Variants in IRF6 observed in about 807,000 individuals in gnomAD.
The protein encoded by IRF6 is Van der Woude syndrome.
A neutral mutation model predicts 51.4 loss-of-function variants in IRF6; 6 were observed. That is an observed-to-expected ratio of 0.12 (90% CI 0.06 to 0.23). The LOEUF (loss-of-function observed/expected upper bound fraction) is 0.23, where lower values mean the gene tolerates loss of function less well. IRF6 is among the 10% of genes least tolerant of loss of function. The probability of loss-of-function intolerance (pLI) is 1.00; values close to 1 mark genes in which losing one functional copy is unlikely to be tolerated. For missense variants in IRF6, 348 were observed against 585.2 expected (o/e 0.59, Z 4.18); for synonymous variants, 178 against 215.7 (o/e 0.83, Z 1.53).
chr1:209,797,749 T>G (rs2077912034), intron 3 of IRF6, among the ~76,000 whole-genome samples: 2 of 152,132 alleles, frequency 1.3e-5, no homozygotes, highest in Non-Finnish European at 2.9e-5. Context: ...TGGCCCTACT[T>G]TCAGCTCTAA....
Position 209,795,365 on chromosome 1 carries a change from C to G in IRF6, c.433G>C (p.Asp145His). 1 of 1,614,226 alleles carries G rather than the reference C, an allele frequency of 6.2e-7. No homozygotes were observed. Among genetic ancestry groups the G allele is most frequent in the South Asian group, 1.1e-5 (1 of 91,090 alleles). Reference sequence around the variant, plus strand: ...GACTGATCCAGCTCATCTTCCTCATCTTCTTCATCCACATCATTATCCTTC... The same window carrying G: ...GACTGATCCAGCTCATCTTCCTCATGTTCTTCATCCACATCATTATCCTTC... ...DEKDNDVDEE[D>H]EEDELDQSQH... Residue 145 changes from aspartate to histidine, a missense_variant, in exon 5 of 9, where the codon GAT becomes CAT. Asp to His is a moderately conservative substitution (Grantham distance 81). Transcript: ENST00000367021.
chr1:209,799,750 G>A (rs2077927830), intron 3 of IRF6, among the ~76,000 whole-genome samples: 1 of 152,216 alleles, frequency 6.6e-6, no homozygotes, highest in Non-Finnish European at 1.5e-5. Flanking sequence ...GGCCAAATGG[G>A]CCAAGATGGG....
At chr1:209,797,495 C>T (rs977392123) in intron 3 of IRF6, among the ~76,000 whole-genome samples, 4 of 152,000 alleles carry the variant, frequency 2.6e-5, no homozygotes, top group Non-Finnish European at 5.9e-5. Context: ...AAATCCACAC[C>T]CCTTACCTTA....
At position 209,796,676 on chromosome 1, in the gene IRF6, C is replaced by CAA. The variant is rs1491021033; in HGVS notation, c.175-126_175-125dup. On this transcript the variant is annotated intron_variant, in intron 3 of 8. Coordinates refer to ENST00000367021, the MANE Select transcript of IRF6 (RefSeq NM_006147.4). The surrounding 1 kb of genome is among the most constrained non-coding windows in gnomAD (Gnocchi z 4.5). ...ACACACACACACACACACACACACA[C>CAA]AACTTTTGCATGACTGCCCCATCAT... 2.6e-6 allele frequency: 2 copies of CAA among 759,914 alleles called. No individual in the cohort carries two copies. Among genetic ancestry groups the CAA allele is most frequent in the East Asian group, 2.9e-5 (1 of 35,060 alleles). The allele number at this position is 759,914 out of a possible 1,614,324, so 47.1% of individuals were successfully genotyped here. A position where few individuals can be genotyped will look rare whatever the true frequency, so the allele number is the denominator to read the frequency against.
chr1:209,792,213 G>T, intron 6 of IRF6, 56 bp downstream of exon 6: 2 of 1,551,434 alleles, frequency 1.3e-6, no homozygotes, highest in Non-Finnish European at 1.8e-6. Flanking sequence ...AGCAGGACAG[G>T]AAAGAGTCTA....
chr1:209,804,749 T>A (rs535994420), intron 1 of IRF6, among the ~76,000 whole-genome samples: 1 of 152,240 alleles, frequency 6.6e-6, no homozygotes, highest in African/African-American at 2.4e-5. Context: ...AGGGAGCAGG[T>A]CCTCCATAAA....
rs372410060 is a variant in IRF6, at chr1:209,793,809, G to A, written c.509-1382C>T. On this transcript the variant is annotated intron_variant, in intron 5 of 8. Transcript: ENST00000367021. ...ATGTTTAGCTCCCACTTATGAGTGGGAACACGTAGTATTTGGTTTTCTGTT... is the reference window on the plus strand; with the variant it reads ...ATGTTTAGCTCCCACTTATGAGTGGAAACACGTAGTATTTGGTTTTCTGTT... 3.3e-5 allele frequency among the ~76,000 whole-genome samples: 5 copies of A among 152,270 alleles called. No individual in the cohort carries two copies. In the East Asian group the frequency reaches 9.7e-4, roughly 29 times the overall value.
Position 209,788,496 on chromosome 1 carries a change from A to C in IRF6, c.1328T>G (p.Leu443Arg). 5 of 1,614,174 alleles carry C rather than the reference A, an allele frequency of 3.1e-6. No individual in the cohort carries two copies. Among genetic ancestry groups the C allele is most frequent in the Non-Finnish European group, 4.2e-6 (5 of 1,180,044 alleles). The change falls in exon 9 of 9, where the codon CTT (leucine) becomes CGT (arginine). Residue 443 changes from leucine to arginine, a missense_variant. By Grantham distance (102) the Leu-to-Arg change is moderately radical. Transcript: ENST00000367021. The part of the protein sequence containing the change: ...VAQLKQLYRI[L>R]QTQESWQPMQ... ...GGGCTGCCAGCTCTCCTGGGTTTGAAGGATGCGGTACAGCTGCTTCAGCTG... is the reference window on the plus strand; with the variant it reads ...GGGCTGCCAGCTCTCCTGGGTTTGACGGATGCGGTACAGCTGCTTCAGCTG...
At chr1:209,800,205 T>C (rs2077932112) in intron 3 of IRF6, among the ~76,000 whole-genome samples, 1 of 152,178 alleles carries the variant, frequency 6.6e-6, no homozygotes, top group Admixed American at 6.5e-5. Context: ...AGCAGAGACG[T>C]AGCCTCCAGG....
chr1:209,795,258 A>G lies in IRF6; in HGVS notation c.508+32T>C. Reference sequence around the variant, plus strand: ...GGTCAAAACTCCTTACATCCTCCATATGTCTCTGTACCACCCATCATCCCC... The same window carrying G: ...GGTCAAAACTCCTTACATCCTCCATGTGTCTCTGTACCACCCATCATCCCC... On this transcript the variant is annotated intron_variant, in intron 5 of 8. Coordinates refer to ENST00000367021, the MANE Select transcript of IRF6 (RefSeq NM_006147.4). 4 of 1,612,910 alleles carry G rather than the reference A, an allele frequency of 2.5e-6. 1 individual carries two copies. In the South Asian group the frequency reaches 4.4e-5, roughly 18 times the overall value.
At chr1:209,789,861 G>T in intron 7 of IRF6, 76 bp from the exon 8 acceptor site, 1 of 982,096 alleles carries the variant, frequency 1.0e-6, no homozygotes, top group Non-Finnish European at 1.6e-6. Flanking sequence ...CTTTTATGCT[G>T]TCCATTACAA....
chr1:209,798,169 GAAT>G (rs368309817), intron 3 of IRF6, among the ~76,000 whole-genome samples: 55,346 of 151,874 alleles, frequency 0.36, 10,440 homozygotes, highest in East Asian at 0.57. Context: ...TTGTGGTATG[GAAT>G]GAAGAAGTTT....
intron 6 of IRF6, chr1:209,791,154 G>A (rs1482409532): frequency 6.2e-6 from 4 of 650,064 alleles, no homozygotes; most frequent in Non-Finnish European, 7.6e-6. Flanking sequence ...ATTGCATCAA[G>A]TAAAGTGGTC....
intron 1 of IRF6, 112 bp from the exon 2 acceptor site, chr1:209,802,155 A>G (rs1017868257): frequency 2.6e-5 from 4 of 152,236 alleles, no homozygotes. Flanking sequence ...TCCACTACTG[A>G]GTCTGGTAAA....
chr1:209,798,423 T>G (rs980939724), intron 3 of IRF6, among the ~76,000 whole-genome samples: 4 of 152,206 alleles, frequency 2.6e-5, no homozygotes, highest in African/African-American at 9.6e-5. Flanking sequence ...CTATGAAGAC[T>G]TTGGCAGAGC....
At chr1:209,801,202 A>AAAT (rs2077939329) in intron 3 of IRF6, 38 bp downstream of exon 3, 2 of 1,538,016 alleles carry the variant, frequency 1.3e-6, no homozygotes, top group African/African-American at 1.4e-5. Context: ...AAAAAAAAAA[A>AAAT]AATCCAGAAA....
intron 5 of IRF6, chr1:209,792,786 C>G (rs567402384): frequency 6.5e-6 from 2 of 309,916 alleles, no homozygotes; most frequent in Non-Finnish European, 1.2e-5. Context: ...TTCCATAAAA[C>G]GAACTCAGCT....
chr1:209,802,734 G>A (rs1348489504), intron 1 of IRF6, among the ~76,000 whole-genome samples: 1 of 152,056 alleles, frequency 6.6e-6, no homozygotes, highest in Non-Finnish European at 1.5e-5. Context: ...ATCCCTACCT[G>A]GACCACAGTT....
chr1:209,803,359 T>C (rs1305200956), intron 1 of IRF6, among the ~76,000 whole-genome samples: 1 of 152,198 alleles, frequency 6.6e-6, no homozygotes, highest in African/African-American at 2.4e-5. Context: ...GACATTAAAA[T>C]CCAACTCTTG....
Sources: allele counts gnomAD v4.1 joint callset (sites outside exome capture counted in the v4.1 genomes callset), GRCh38; gene constraint gnomAD v4.1.1; non-coding constraint Gnocchi (gnomAD v3.1); transcripts MANE v1.5; gene names NCBI Gene and HGNC (gene_info 2026-07-23, HGNC 2026-07-21).